Variants in SHISA9 observed in about 807,000 individuals in gnomAD.
The protein encoded by SHISA9 is protein shisa-9.
Under a neutral mutation model 38.0 loss-of-function variants are expected in SHISA9, and 13 were observed. The observed-to-expected ratio is 0.34, with a 90% CI of 0.22 to 0.54. The LOEUF (loss-of-function observed/expected upper bound fraction) is 0.54. Among genes scored for constraint, SHISA9 ranks in the 20% least tolerant of loss-of-function variants. The pLI is 0.91. For missense variants in SHISA9, 538 were observed against 575.8 expected (o/e 0.93, Z 0.67); for synonymous variants, 275 against 242.0 (o/e 1.14, Z -1.27).
chr16:13,432,466 C>G, the SHISA9 span, among the ~76,000 whole-genome samples: 60 of 152,290 alleles, frequency 3.9e-4, no homozygotes, highest in Non-Finnish European at 7.8e-4. Context: ...GGGTGATATT[C>G]TAAAGTATTC....
intron 2 of SHISA9, among the ~76,000 whole-genome samples, chr16:13,039,949 C>G (rs1426270332): frequency 6.6e-6 from 1 of 152,146 alleles, no homozygotes; most frequent in African/African-American, 2.4e-5. Flanking sequence ...CTTGATTCCT[C>G]TCTCCCCTGA....
chr16:13,107,199 G>T (rs1304646356), intron 2 of SHISA9, among the ~76,000 whole-genome samples: 1 of 151,948 alleles, frequency 6.6e-6, no homozygotes, highest in African/African-American at 2.4e-5. Context: ...TTGGGAGGCC[G>T]AGTGGGTAGA....
the SHISA9 span, among the ~76,000 whole-genome samples, chr16:13,490,524 C>T: frequency 1.3e-5 from 2 of 152,178 alleles, no homozygotes; most frequent in Admixed American, 1.3e-4. Flanking sequence ...ATGATTGTGC[C>T]ACTGCACCCC....
chr16:13,536,470 A>G, the SHISA9 span, among the ~76,000 whole-genome samples: 1 of 152,228 alleles, frequency 6.6e-6, no homozygotes, highest in Non-Finnish European at 1.5e-5. Context: ...TAGTACCCAG[A>G]ACATTGTAGA....
the SHISA9 span, among the ~76,000 whole-genome samples, chr16:13,512,274 T>C: frequency 6.6e-6 from 1 of 151,804 alleles, no homozygotes; most frequent in Non-Finnish European, 1.5e-5. Flanking sequence ...GCAAAAAGAA[T>C]AAAATACCTA....
chr16:13,228,241 G>A (rs2051298158), intron 4 of SHISA9, among the ~76,000 whole-genome samples: 1 of 152,162 alleles, frequency 6.6e-6, no homozygotes, highest in Admixed American at 6.5e-5. Context: ...TGTGCTCAGG[G>A]AGTACCCAAT....
intron 2 of SHISA9, among the ~76,000 whole-genome samples, chr16:13,099,984 C>A (rs1165262772): frequency 6.6e-6 from 1 of 152,154 alleles, no homozygotes; most frequent in African/African-American, 2.4e-5. Context: ...AATCCAGACA[C>A]CGACAGGAGC....
the SHISA9 span, among the ~76,000 whole-genome samples, chr16:13,260,626 A>T: frequency 6.6e-6 from 1 of 152,210 alleles, no homozygotes; most frequent in Non-Finnish European, 1.5e-5. Flanking sequence ...GTCCATATTG[A>T]TGTCAGTATT....
chr16:13,191,597 G>A (rs2050885964), intron 2 of SHISA9, among the ~76,000 whole-genome samples: 1 of 152,146 alleles, frequency 6.6e-6, no homozygotes, highest in South Asian at 2.1e-4. Context: ...GGCTTATATA[G>A]GCTTTATAAG....
intron 2 of SHISA9, among the ~76,000 whole-genome samples, chr16:13,024,798 G>T (rs761705167): frequency 1.1e-4 from 17 of 152,094 alleles, no homozygotes; most frequent in African/African-American, 4.1e-4. Flanking sequence ...GACCCTCAAA[G>T]TTCCTGTGTT....
At chr16:12,950,513 A>G (rs2071740346) in intron 2 of SHISA9, among the ~76,000 whole-genome samples, 1 of 152,212 alleles carries the variant, frequency 6.6e-6, no homozygotes, top group Non-Finnish European at 1.5e-5. Flanking sequence ...AAGGAACTCT[A>G]GTGCACTGTT....
At chr16:13,326,877 T>C in the SHISA9 span, among the ~76,000 whole-genome samples, 1 of 78,942 alleles carries the variant, frequency 1.3e-5, no homozygotes, top group Non-Finnish European at 2.7e-5. Context: ...ATACCTACTT[T>C]TATTTTTTGT....
At chr16:12,954,407 T>C (rs946476430) in intron 2 of SHISA9, among the ~76,000 whole-genome samples, 1 of 152,168 alleles carries the variant, frequency 6.6e-6, no homozygotes, top group African/African-American at 2.4e-5. Flanking sequence ...AAGGGTGATA[T>C]GTTTGGATTT....
chr16:13,178,519 AGAT>A lies in SHISA9; in HGVS notation c.692-24872_692-24870del, dbSNP rs2050751092. Among the ~76,000 whole-genome samples, 3 of 152,110 alleles carry A rather than the reference AGAT, an allele frequency of 2.0e-5. No individual in the cohort carries two copies. The South Asian group carries it at 6.2e-4, about 32-fold the overall frequency. ...GAGCTGGTGCCCGCCCACGACTGAC[AGAT>A]GAGCCTCATTTACAGCCCTCAACAT... On this transcript the variant is annotated intron_variant, in intron 2 of 4. Transcript: ENST00000558583.
intron 1 of SHISA9, among the ~76,000 whole-genome samples, chr16:12,904,244 T>G (rs958959004): frequency 6.6e-6 from 1 of 152,056 alleles, no homozygotes; most frequent in Non-Finnish European, 1.5e-5. Flanking sequence ...GTCGCCTTGG[T>G]AGGGAAAGAT....
chr16:12,939,730 A>G (rs1035097633), intron 2 of SHISA9, among the ~76,000 whole-genome samples: 1 of 152,126 alleles, frequency 6.6e-6, no homozygotes, highest in South Asian at 2.1e-4. Flanking sequence ...CTATTGTGCT[A>G]TTCAATGAAA....
At chr16:13,454,186 T>A in the SHISA9 span, among the ~76,000 whole-genome samples, 1 of 152,142 alleles carries the variant, frequency 6.6e-6, no homozygotes, top group Non-Finnish European at 1.5e-5. Flanking sequence ...TTATAAAAGG[T>A]TGACCTTTTG....
intron 2 of SHISA9, among the ~76,000 whole-genome samples, chr16:13,048,991 A>T (rs1490194091): frequency 6.6e-6 from 1 of 152,226 alleles, no homozygotes; most frequent in Non-Finnish European, 1.5e-5. Flanking sequence ...TAAATCCTTT[A>T]GTCATTCAAG....
the SHISA9 span, among the ~76,000 whole-genome samples, chr16:13,438,415 C>T: frequency 2.6e-3 from 390 of 152,210 alleles, 4 homozygotes; most frequent in African/African-American, 9.2e-3. Context: ...CTATCTCTAA[C>T]AGTAGCTAGC....
Sources: allele counts gnomAD v4.1 joint callset (sites outside exome capture counted in the v4.1 genomes callset), GRCh38; gene constraint gnomAD v4.1.1; transcripts MANE v1.5; gene names NCBI Gene and HGNC (gene_info 2026-07-23, HGNC 2026-07-21).